AGBL1: variants seen among roughly 807,000 people sequenced by gnomAD.
AGBL1 encodes AGBL carboxypeptidase 1.
A neutral mutation model predicts 118.9 loss-of-function variants in AGBL1; 130 were observed. The observed-to-expected ratio is 1.09, with a 90% CI of 0.95 to 1.26. The LOEUF is 1.26. Ranked by LOEUF, AGBL1 falls within the 50% of genes most tolerant of loss-of-function variation. AGBL1 has a pLI of 0.00. For synonymous variants in AGBL1, 555 were observed against 478.9 expected (o/e 1.16, Z -2.08); for missense variants, 1,584 against 1,298.1 (o/e 1.22, Z -3.38).
At chr15:86,864,172 C>T (rs992038440) in intron 22 of AGBL1, among the ~76,000 whole-genome samples, 1 of 152,156 alleles carries the variant, frequency 6.6e-6, no homozygotes, top group Non-Finnish European at 1.5e-5. Flanking sequence ...AGAAGGCATA[C>T]TTGCTCCCTA....
chr15:86,444,171 A>T (rs531929805), intron 18 of AGBL1, among the ~76,000 whole-genome samples: 114 of 152,146 alleles, frequency 7.5e-4, no homozygotes, highest in Admixed American at 1.3e-3. Flanking sequence ...ATGATATCTC[A>T]CTGTTTTGAT....
intron 23 of AGBL1, among the ~76,000 whole-genome samples, chr15:86,958,341 A>AT (rs2080955034): frequency 6.6e-6 from 1 of 152,156 alleles, no homozygotes; most frequent in African/African-American, 2.4e-5. Context: ...GTCTCCAGAC[A>AT]TTGCCAAATG....
At chr15:86,583,669 A>C (rs1197080512) in intron 21 of AGBL1, among the ~76,000 whole-genome samples, 2 of 152,014 alleles carry the variant, frequency 1.3e-5, no homozygotes, top group Admixed American at 1.3e-4. Flanking sequence ...TAGACTGATC[A>C]TTTTAGAAGG....
intron 17 of AGBL1, among the ~76,000 whole-genome samples, chr15:86,297,612 C>T (rs1023108690): frequency 1.3e-5 from 2 of 152,170 alleles, no homozygotes; most frequent in Non-Finnish European, 2.9e-5. Context: ...TCTCTGTTTC[C>T]AAATTATGCA....
intron 22 of AGBL1, among the ~76,000 whole-genome samples, chr15:86,852,156 G>C (rs1279221308): frequency 6.6e-6 from 1 of 152,108 alleles, no homozygotes; most frequent in Non-Finnish European, 1.5e-5. Flanking sequence ...TGGCTGGAGA[G>C]GCCTCAGGAA....
At chr15:86,633,811 AATGTATG>A (rs1258626400) in intron 21 of AGBL1, among the ~76,000 whole-genome samples, 328 of 5,682 alleles carry the variant, frequency 0.058, 6 homozygotes, top group East Asian at 0.1. Flanking sequence ...ATATATATAT[AATGTATG>A]TATATATATA....
intron 5 of AGBL1, among the ~76,000 whole-genome samples, chr15:86,207,473 C>T (rs1302365398): frequency 6.6e-6 from 1 of 152,036 alleles, no homozygotes; most frequent in Non-Finnish European, 1.5e-5. Context: ...TTGTTTGTGT[C>T]CTCTTTTATC....
chr15:86,642,888 A>AG (rs889934441), intron 21 of AGBL1, among the ~76,000 whole-genome samples: 19 of 152,326 alleles, frequency 1.2e-4, no homozygotes, highest in African/African-American at 4.6e-4. Context: ...TACACATACT[A>AG]GAAAAACTAA....
At chr15:86,660,529 G>C (rs2085522193) in intron 21 of AGBL1, among the ~76,000 whole-genome samples, 1 of 151,908 alleles carries the variant, frequency 6.6e-6, no homozygotes, top group Non-Finnish European at 1.5e-5. Flanking sequence ...TCCCCTTAAA[G>C]TTAATTGTAT....
At chr15:86,446,069 G>A (rs2082116990) in intron 18 of AGBL1, among the ~76,000 whole-genome samples, 1 of 152,132 alleles carries the variant, frequency 6.6e-6, no homozygotes, top group Admixed American at 6.5e-5. Flanking sequence ...AAATGGAAAG[G>A]AAGCAAGACT....
chr15:86,981,048 G>A (rs1197064244), intron 23 of AGBL1, among the ~76,000 whole-genome samples: 1 of 151,720 alleles, frequency 6.6e-6, no homozygotes, highest in Non-Finnish European at 1.5e-5. Flanking sequence ...TGCCACCCCT[G>A]GCTAACTTTT....
chr15:86,821,558 A>C (rs1411246411), intron 22 of AGBL1, among the ~76,000 whole-genome samples: 1 of 152,192 alleles, frequency 6.6e-6, no homozygotes, highest in African/African-American at 2.4e-5. Context: ...TAAAGCATTC[A>C]TGATGACTCA....
chr15:86,146,032 A>G (rs1364529385), intron 3 of AGBL1, among the ~76,000 whole-genome samples: 4 of 152,188 alleles, frequency 2.6e-5, no homozygotes, highest in Non-Finnish European at 5.9e-5. Context: ...TACCTCGGTC[A>G]TAAACGGTAT....
At chr15:86,132,819 AT>A (rs901788771) in intron 1 of AGBL1, among the ~76,000 whole-genome samples, 1 of 151,910 alleles carries the variant, frequency 6.6e-6, no homozygotes, top group African/African-American at 2.4e-5. Flanking sequence ...TGTTTTGTTT[AT>A]TTTTTTTCTC....
intron 17 of AGBL1, among the ~76,000 whole-genome samples, chr15:86,298,254 T>TATATAC (rs2079680921): frequency 3.3e-5 from 3 of 91,050 alleles, no homozygotes; most frequent in African/African-American, 1.6e-4. Context: ...ATAATATATA[T>TATATAC]ATATATATAT....
At chr15:86,817,514 G>A (rs1596511470) in intron 22 of AGBL1, among the ~76,000 whole-genome samples, 1 of 144,350 alleles carries the variant, frequency 6.9e-6, no homozygotes, top group East Asian at 2.1e-4. Context: ...GAGAGAAAGA[G>A]ACAGGCATAC....
At chr15:86,634,320 G>A (rs887770946) in intron 21 of AGBL1, among the ~76,000 whole-genome samples, 14 of 152,200 alleles carry the variant, frequency 9.2e-5, no homozygotes, top group South Asian at 2.1e-4. Context: ...CCCCAAAGCC[G>A]GATAACTGAT....
chr15:86,148,777 C>T (rs147844502), intron 3 of AGBL1, among the ~76,000 whole-genome samples: 6,879 of 152,074 alleles, frequency 0.045, 227 homozygotes, highest in South Asian at 0.084. Flanking sequence ...ATACAGAGAA[C>T]GCCACAAAGA....
intron 21 of AGBL1, among the ~76,000 whole-genome samples, chr15:86,640,542 A>G (rs1052113243): frequency 1.1e-4 from 16 of 152,130 alleles, no homozygotes; most frequent in African/African-American, 3.9e-4. Context: ...GCAATTTCCT[A>G]TGTCATTAAA....
Sources: allele counts gnomAD v4.1 joint callset (sites outside exome capture counted in the v4.1 genomes callset), GRCh38; gene constraint gnomAD v4.1.1; transcripts MANE v1.5; gene names NCBI Gene and HGNC (gene_info 2026-07-23, HGNC 2026-07-21).